Variants in COL23A1 observed in about 807,000 individuals in gnomAD.
COL23A1 encodes collagen alpha-1(XXIII) chain.
Under a neutral mutation model 99.3 loss-of-function variants are expected in COL23A1, and 97 were observed. The observed-to-expected ratio is 0.98, with a 90% CI of 0.83 to 1.16. COL23A1 has a LOEUF of 1.16. COL23A1 is among the 50% of genes most tolerant of loss of function. COL23A1 has a pLI of 0.00. For synonymous variants in COL23A1, 320 were observed against 308.2 expected (o/e 1.04, Z -0.40); for missense variants, 762 against 757.4 (o/e 1.01, Z -0.07).
At chr5:178,413,434 C>A (rs2127783673) in intron 2 of COL23A1, among the ~76,000 whole-genome samples, 1 of 152,296 alleles carries the variant, frequency 6.6e-6, no homozygotes, top group East Asian at 1.9e-4. Flanking sequence ...GATAGAAAGA[C>A]AGAACTTTCT....
intron 3 of COL23A1, among the ~76,000 whole-genome samples, chr5:178,300,331 G>A (rs980869896): frequency 1.3e-5 from 2 of 152,030 alleles, no homozygotes; most frequent in African/African-American, 4.8e-5. Flanking sequence ...CTCCCAAAAT[G>A]CTGGGATTAC....
At chr5:178,251,522 C>T (rs1314308316) in intron 17 of COL23A1, among the ~76,000 whole-genome samples, 1 of 152,060 alleles carries the variant, frequency 6.6e-6, no homozygotes, top group African/African-American at 2.4e-5. Context: ...TAAAATTCAA[C>T]TTATCAAGGT....
In COL23A1 at chr5:178,415,388, C is replaced by G. The variant is rs149879724; in HGVS notation, c.362-108469G>C. Among the ~76,000 whole-genome samples the G allele has an allele frequency of 6.6e-6, 1 of 152,132 alleles. No homozygotes were observed. Among genetic ancestry groups the G allele is most frequent in the Admixed American group, 6.5e-5 (1 of 15,284 alleles). ...CCAAATCAGTCGAACGTCTAAAAACCGTCCTGCCCCCCACCCTCAGTGCAC... is the reference window on the plus strand; with the variant it reads ...CCAAATCAGTCGAACGTCTAAAAACGGTCCTGCCCCCCACCCTCAGTGCAC... On this transcript the variant is annotated intron_variant, in intron 2 of 28. Transcript: ENST00000390654. The surrounding 1 kb of genome is among the most constrained non-coding windows in gnomAD (Gnocchi z 4.6).
intron 8 of COL23A1, among the ~76,000 whole-genome samples, chr5:178,266,526 A>G (rs991783895): frequency 7.2e-5 from 11 of 152,208 alleles, no homozygotes; most frequent in African/African-American, 2.4e-4. Context: ...AGTCTGTTGA[A>G]GAGAGGGCAT....
chr5:178,566,548 G>A (rs960974933), intron 1 of COL23A1, among the ~76,000 whole-genome samples: 2 of 152,152 alleles, frequency 1.3e-5, no homozygotes, highest in African/African-American at 4.8e-5. Flanking sequence ...AGGTGTGGTG[G>A]CTCGCGCCTG....
chr5:178,255,732 C>T lies in COL23A1; in HGVS notation c.882+621G>A. 3.9e-6 allele frequency: 1 copy of T among 256,312 alleles called. No individual in the cohort carries two copies. Among genetic ancestry groups the T allele is most frequent in the Non-Finnish European group, 8.3e-6 (1 of 119,850 alleles). 15.9% of individuals were successfully genotyped at this position (256,312 alleles called of 1,614,324 possible). ...CCCCCGTCCCCAGTCACAGCCTGCCCAGAACTGCCTGGCTCACTGGCTGCC... is the reference window on the plus strand; with the variant it reads ...CCCCCGTCCCCAGTCACAGCCTGCCTAGAACTGCCTGGCTCACTGGCTGCC... On this transcript the variant is annotated intron_variant, in intron 15 of 28. Coordinates refer to ENST00000390654, the MANE Select transcript of COL23A1 (RefSeq NM_173465.4). The surrounding 1 kb of genome is among the most constrained non-coding windows in gnomAD (Gnocchi z 4.2).
intron 18 of COL23A1, among the ~76,000 whole-genome samples, chr5:178,249,637 T>C (rs963663376): frequency 6.6e-6 from 1 of 151,016 alleles, no homozygotes; most frequent in Non-Finnish European, 1.5e-5. Context: ...AGACTCACCC[T>C]CGAATAGCAA....
In COL23A1 at chr5:178,306,053, T is replaced by G; in HGVS notation, c.406+822A>C. Among the ~76,000 whole-genome samples the G allele has an allele frequency of 6.7e-6, 1 of 150,004 alleles. No homozygotes were observed. The highest frequency in any genetic ancestry group is 1.5e-5 in the Non-Finnish European group (1 of 67,436). On this transcript the variant is annotated intron_variant, in intron 3 of 28. Transcript: ENST00000390654. This position sits in a 1 kb window ranked among gnomAD's most constrained non-coding sequence, Gnocchi z 4.1. ...GAGGACATGGTCAGTGTCACAGCAGTGGGAGACTGTGGGAGAGAGGAGAGG... is the reference window on the plus strand; with the variant it reads ...GAGGACATGGTCAGTGTCACAGCAGGGGGAGACTGTGGGAGAGAGGAGAGG...
chr5:178,251,907 TTC>T (rs144111794), intron 17 of COL23A1, among the ~76,000 whole-genome samples: 37,092 of 132,458 alleles, frequency 0.28, 3,717 homozygotes, highest in East Asian at 0.51. Flanking sequence ...TCATTTTCTT[TTC>T]TTTTTTTTTT....
intron 2 of COL23A1, among the ~76,000 whole-genome samples, chr5:178,464,087 C>CT (rs1486721031): frequency 4.6e-5 from 7 of 152,254 alleles, no homozygotes; most frequent in Non-Finnish European, 7.3e-5. Flanking sequence ...ACCATCTTAA[C>CT]TACGTTTAAG....
chr5:178,372,410 T>C (rs1762847548), intron 2 of COL23A1, among the ~76,000 whole-genome samples: 2 of 152,146 alleles, frequency 1.3e-5, no homozygotes, highest in Admixed American at 6.5e-5. Flanking sequence ...AACAGAAATA[T>C]ACAGCCAAGA....
chr5:178,249,996 C>T (rs556584853), intron 18 of COL23A1, 65 bp downstream of exon 18: 11 of 1,558,578 alleles, frequency 7.1e-6, no homozygotes, highest in East Asian at 2.2e-5. Context: ...CACACACACA[C>T]ACACACACAC....
At chr5:178,520,586 G>A (rs979879356) in intron 2 of COL23A1, among the ~76,000 whole-genome samples, 5 of 152,190 alleles carry the variant, frequency 3.3e-5, no homozygotes, top group Non-Finnish European at 5.9e-5. Flanking sequence ...AAGCAGACAG[G>A]AGGGGAGCAC....
At chr5:178,254,823 G>A (rs1765219483) in intron 16 of COL23A1, 126 bp downstream of exon 16, 2 of 778,138 alleles carry the variant, frequency 2.6e-6, no homozygotes, top group East Asian at 5.3e-5. Flanking sequence ...TAACAGCCGG[G>A]GTCTTTGTGC....
In COL23A1 at chr5:178,340,675, A is replaced by ACTGGACAAC. The variant is rs1760600581; in HGVS notation, c.362-33757_362-33756insGTTGTCCAG. Among the ~76,000 whole-genome samples, 1 of 152,200 alleles carries ACTGGACAAC rather than the reference A, an allele frequency of 6.6e-6. No individual in the cohort carries two copies. The highest frequency in any genetic ancestry group is 2.1e-4 in the South Asian group (1 of 4,810). ...TCAAGGCTCTGCATGTGTTTGGCTG[A>ACTGGACAAC]TGGCAAACTGGACACCGGGGATTCT... is the stretch of plus-strand genomic sequence containing the variant. On this transcript the variant is annotated intron_variant, in intron 2 of 28. Transcript: ENST00000390654. The surrounding 1 kb of genome is among the most constrained non-coding windows in gnomAD (Gnocchi z 4.7).
chr5:178,500,805 T>C (rs1758485725), intron 2 of COL23A1, among the ~76,000 whole-genome samples: 1 of 151,974 alleles, frequency 6.6e-6, no homozygotes, highest in Non-Finnish European at 1.5e-5. Flanking sequence ...AAATGTTCCT[T>C]AAACAAGAAA....
At chr5:178,288,666 A>T in intron 4 of COL23A1, 1 of 469,638 alleles carries the variant, frequency 2.1e-6, no homozygotes, top group Non-Finnish European at 4.0e-6. Context: ...TGGAGGGTGC[A>T]GCCACAACCA....
chr5:178,506,357 C>T (rs928243166), intron 2 of COL23A1, among the ~76,000 whole-genome samples: 5 of 152,192 alleles, frequency 3.3e-5, no homozygotes, highest in Admixed American at 6.5e-5. Flanking sequence ...GCAGCTGGTG[C>T]GTGCACTCCA....
intron 2 of COL23A1, among the ~76,000 whole-genome samples, chr5:178,507,918 C>T (rs2127991694): frequency 6.6e-6 from 1 of 152,298 alleles, no homozygotes; most frequent in Admixed American, 6.5e-5. Flanking sequence ...GTCAGCTCAT[C>T]CCCTTCACCT....
Sources: allele counts gnomAD v4.1 joint callset (sites outside exome capture counted in the v4.1 genomes callset), GRCh38; gene constraint gnomAD v4.1.1; non-coding constraint Gnocchi (gnomAD v3.1); transcripts MANE v1.5; gene names NCBI Gene and HGNC (gene_info 2026-07-23, HGNC 2026-07-21).